The following SCAPER variants were observed in gnomAD, a reference collection of about 807,000 sequenced individuals.
SCAPER encodes S-phase cyclin A associated protein in the ER, also known as S phase cyclin A-associated protein in the endoplasmic reticulum.
A neutral mutation model predicts 182.2 loss-of-function variants in SCAPER; 98 were observed. The observed-to-expected ratio is 0.54, with a 90% CI of 0.46 to 0.64. The LOEUF is 0.64. SCAPER is among the 30% of genes least tolerant of loss of function. The pLI, the probability that SCAPER is intolerant of heterozygous loss-of-function variation, is 0.00. For missense variants in SCAPER, 1,432 were observed against 1,690.0 expected, an observed-to-expected ratio of 0.85 and a Z score of 2.68; for synonymous variants, 605 against 564.6, an observed-to-expected ratio of 1.07 and a Z score of -1.01.
At chr15:76,585,795 G>A (rs1422870901) in intron 22 of SCAPER, among the ~76,000 whole-genome samples, 1 of 152,094 alleles carries the variant, frequency 6.6e-6, no homozygotes, top group Non-Finnish European at 1.5e-5. Context: ...AAAGAAAAAA[G>A]CACTAGATTT....
intron 29 of SCAPER, among the ~76,000 whole-genome samples, chr15:76,369,812 A>G (rs1235549184): frequency 6.6e-6 from 1 of 152,220 alleles, no homozygotes; most frequent in African/African-American, 2.4e-5. Flanking sequence ...AGCTGTGGCT[A>G]TTCCTATACC....
At chr15:76,479,474 T>G (rs2056564420) in intron 24 of SCAPER, among the ~76,000 whole-genome samples, 1 of 152,202 alleles carries the variant, frequency 6.6e-6, no homozygotes, top group African/African-American at 2.4e-5. Flanking sequence ...AAAGGCTTTC[T>G]GCTCCAAAAA....
chr15:76,791,930 G>T (rs959819757), intron 8 of SCAPER, among the ~76,000 whole-genome samples: 13 of 151,056 alleles, frequency 8.6e-5, no homozygotes, highest in African/African-American at 3.2e-4. Context: ...GAGAACAAAT[G>T]ATTGGTTTTT....
At chr15:76,389,971 T>C (rs186805085) in intron 27 of SCAPER, among the ~76,000 whole-genome samples, 65 of 152,146 alleles carry the variant, frequency 4.3e-4, no homozygotes, top group Non-Finnish European at 8.7e-4. Flanking sequence ...TTTTTTTTTC[T>C]TTTGAGGCAG....
intron 15 of SCAPER, among the ~76,000 whole-genome samples, chr15:76,734,437 C>T (rs568930788): frequency 3.0e-4 from 45 of 152,284 alleles, no homozygotes; most frequent in South Asian, 1.9e-3. Flanking sequence ...ACAAAACCTA[C>T]GTTAAGATAT....
At chr15:76,639,199 G>A (rs1385772501) in intron 21 of SCAPER, among the ~76,000 whole-genome samples, 1 of 152,182 alleles carries the variant, frequency 6.6e-6, no homozygotes, top group Non-Finnish European at 1.5e-5. Context: ...TGGAAGGACT[G>A]TGTTAGTTCA....
chr15:76,841,449 C>A (rs1934693351), intron 5 of SCAPER, among the ~76,000 whole-genome samples: 1 of 152,034 alleles, frequency 6.6e-6, no homozygotes, highest in South Asian at 2.1e-4. Context: ...GAGTTCGAGA[C>A]CAGCTTGACT....
intron 21 of SCAPER, among the ~76,000 whole-genome samples, chr15:76,652,381 T>C (rs1376317048): frequency 1.1e-4 from 6 of 55,196 alleles, no homozygotes; most frequent in East Asian, 5.6e-4. Flanking sequence ...CATATATATA[T>C]ATATATATAT....
intron 31 of SCAPER, chr15:76,349,699 A>G (rs1403444894): frequency 6.6e-6 from 1 of 152,036 alleles, no homozygotes; most frequent in Non-Finnish European, 1.5e-5. Context: ...TGTCATTAAC[A>G]TAGTGATGAC....
intron 23 of SCAPER, among the ~76,000 whole-genome samples, chr15:76,540,174 G>T (rs2044602738): frequency 6.6e-6 from 1 of 152,158 alleles, no homozygotes; most frequent in South Asian, 2.1e-4. Flanking sequence ...CATGAAGTGG[G>T]AGGATTGCTT....
At chr15:76,423,148 G>T (rs1343217768) in intron 26 of SCAPER, among the ~76,000 whole-genome samples, 1 of 152,216 alleles carries the variant, frequency 6.6e-6, no homozygotes, top group African/African-American at 2.4e-5. Context: ...ATGAGTTAGG[G>T]AGGATTCCCT....
At chr15:76,650,492 T>C (rs1389492503) in intron 21 of SCAPER, among the ~76,000 whole-genome samples, 1 of 151,978 alleles carries the variant, frequency 6.6e-6, no homozygotes, top group East Asian at 1.9e-4. Flanking sequence ...TTTGTATATA[T>C]ATCTAATAAC....
intron 23 of SCAPER, among the ~76,000 whole-genome samples, chr15:76,541,279 A>T (rs1470600723): frequency 5.9e-5 from 9 of 152,320 alleles, no homozygotes. Context: ...GCTGCAATTT[A>T]AAAAGTCTTA....
At chr15:76,875,920 T>TG (rs1192857848) in intron 2 of SCAPER, among the ~76,000 whole-genome samples, 68 of 151,122 alleles carry the variant, frequency 4.5e-4, no homozygotes, top group African/African-American at 1.3e-3. Context: ...GACCCCACGG[T>TG]GGGGGGCGGG....
At chr15:76,401,847 T>C (rs148009595) in intron 27 of SCAPER, among the ~76,000 whole-genome samples, 1 of 152,116 alleles carries the variant, frequency 6.6e-6, no homozygotes, top group Admixed American at 6.6e-5. Flanking sequence ...AAGGATGTGT[T>C]AAAGAACAGG....
In SCAPER at chr15:76,619,837, G is replaced by A. The variant is rs1281170938; in HGVS notation, c.2711+1927C>T. The stretch of plus-strand genomic sequence containing the variant: ...TCATGCCTGTAATCCTAGCACTTTG[G>A]GAGGCTAAGGTGAGCAGACTGCCTG... On this transcript the variant is annotated intron_variant, in intron 22 of 31. Coordinates refer to ENST00000563290, the MANE Select transcript of SCAPER (RefSeq NM_020843.4). Among the ~76,000 whole-genome samples, 3 of 152,122 alleles carry A rather than the reference G, an allele frequency of 2.0e-5. No homozygotes were observed. The East Asian group carries it at 5.8e-4, about 29-fold the overall frequency.
chr15:76,775,259 A>G lies in SCAPER; in HGVS notation c.773-142T>C, dbSNP rs534536328. 3.0e-5 allele frequency: 20 copies of G among 676,098 alleles called. No individual in the cohort carries two copies. The East Asian group carries it at 3.7e-4, about 13-fold the overall frequency. The allele number at this position is 676,098 out of a possible 1,614,324, so 41.9% of individuals were successfully genotyped here. ...AACATGAGAGTATTATACAAAATGTATATTTGTATATACATATTTAAATAA... is the reference window on the plus strand; with the variant it reads ...AACATGAGAGTATTATACAAAATGTGTATTTGTATATACATATTTAAATAA... On this transcript the variant is annotated intron_variant, in intron 8 of 31. Coordinates refer to ENST00000563290, the MANE Select transcript of SCAPER (RefSeq NM_020843.4).
Position 76,665,832 on chromosome 15 carries a change from T to C in SCAPER, c.2509-43A>G, listed in dbSNP as rs1283393999. On this transcript the variant is annotated intron_variant, in intron 20 of 31. Coordinates refer to ENST00000563290, the MANE Select transcript of SCAPER (RefSeq NM_020843.4). ...AAAATAATAATAATGAGGATGATCATTTAAATATAATATAGGATTGCTATA... is the reference window on the plus strand; with the variant it reads ...AAAATAATAATAATGAGGATGATCACTTAAATATAATATAGGATTGCTATA... 1.4e-5 allele frequency: 20 copies of C among 1,427,572 alleles called. No homozygotes were observed. In the Admixed American group the frequency reaches 4.5e-4, roughly 32 times the overall value. 88.4% of individuals were successfully genotyped at this position (1,427,572 alleles called of 1,614,324 possible). A position where few individuals can be genotyped will look rare whatever the true frequency, so the allele number is the denominator to read the frequency against.
At chr15:76,806,354 C>T (rs762286240) in intron 5 of SCAPER, among the ~76,000 whole-genome samples, 6 of 152,104 alleles carry the variant, frequency 3.9e-5, no homozygotes, top group African/African-American at 7.2e-5. Flanking sequence ...CATACATAGA[C>T]GTATGAATTT....
Sources: gnomAD v4.1 joint callset for allele counts (sites outside exome capture counted in the v4.1 genomes callset) on GRCh38, gnomAD v4.1.1 for gene constraint, MANE v1.5 for transcripts, NCBI Gene and HGNC (gene_info 2026-07-23, HGNC 2026-07-21) for gene names.